TFRC: variants seen among roughly 807,000 people sequenced by gnomAD.
TFRC encodes the protein transferrin receptor, also known as transferrin receptor protein 1.
A neutral mutation model predicts 85.8 loss-of-function variants in TFRC; 35 were observed. The observed-to-expected ratio is 0.41, with a 90% CI of 0.31 to 0.54. The LOEUF (loss-of-function observed/expected upper bound fraction) is 0.54. TFRC is among the 20% of genes least tolerant of loss of function. The pLI is 0.31. For missense variants in TFRC, 828 were observed against 921.5 expected, an observed-to-expected ratio of 0.90 and a Z score of 1.31; for synonymous variants, 362 against 328.6, an observed-to-expected ratio of 1.10 and a Z score of -1.10.
rs189447412 is a variant in TFRC, at chr3:196,069,822, G to T, written c.688-254C>A. The T allele has an allele frequency of 1.5e-5, 5 of 330,808 alleles. No individual in the cohort carries two copies. The East Asian group carries it at 2.9e-4, about 19-fold the overall frequency. 20.5% of individuals were successfully genotyped at this position (330,808 alleles called of 1,614,324 possible). ...TCCCATGCTGCCTTTCATCTGAAGG[G>T]CATTTAGATTAAAGAGGCCTATGTA... On this transcript the variant is annotated intron_variant, in intron 6 of 18. Coordinates refer to ENST00000360110, the MANE Select transcript of TFRC (RefSeq NM_001128148.3).
At chr3:196,076,921 G>C in intron 2 of TFRC, 143 bp downstream of exon 2, 1 of 730,516 alleles carries the variant, frequency 1.4e-6, no homozygotes, top group Non-Finnish European at 2.3e-6. Context: ...TGTGAGATCA[G>C]TTATGCCTCA....
chr3:196,071,796 C>A (rs536161481), intron 5 of TFRC, among the ~76,000 whole-genome samples: 1 of 152,286 alleles, frequency 6.6e-6, no homozygotes, highest in African/African-American at 2.4e-5. Flanking sequence ...CCCAGCTGCT[C>A]TGGAGGCTAA....
chr3:196,049,975 G>T lies in TFRC; in HGVS notation c.*1967C>A, dbSNP rs1560060913. 2 of 230,976 alleles carry T rather than the reference G, an allele frequency of 8.7e-6. No individual in the cohort carries two copies. The highest frequency in any genetic ancestry group is 1.7e-5 in the Non-Finnish European group (2 of 116,732). 14.3% of individuals were successfully genotyped at this position (230,976 alleles called of 1,614,324 possible). A position where few individuals can be genotyped will look rare whatever the true frequency, so the allele number is the denominator to read the frequency against. The stretch of plus-strand genomic sequence containing the variant: ...GCTGATCATCACGTTTATAATGATG[G>T]TTCACTCACGGAGCTTCGAACTTAT... On this transcript the variant is annotated 3_prime_UTR_variant, in exon 19 of 19. Coordinates refer to ENST00000360110, the MANE Select transcript of TFRC (RefSeq NM_001128148.3).
At chr3:196,069,053 C>T in intron 7 of TFRC, among the ~76,000 whole-genome samples, 1 of 152,142 alleles carries the variant, frequency 6.6e-6, no homozygotes, top group East Asian at 1.9e-4. Context: ...AGGGCTCAAG[C>T]AGTCCTCCCA....
At chr3:196,075,433 T>G in intron 2 of TFRC, 73 bp from the exon 3 acceptor site, 2 of 1,426,802 alleles carry the variant, frequency 1.4e-6, no homozygotes, top group Non-Finnish European at 2.0e-6. Context: ...AGGTATATGC[T>G]TGTTATTGGG....
chr3:196,070,809 A>AT (rs1553797739), intron 6 of TFRC, among the ~76,000 whole-genome samples: 14 of 130,626 alleles, frequency 1.1e-4, no homozygotes, highest in African/African-American at 1.8e-4. Flanking sequence ...AATAATAATA[A>AT]AATAAAAAAT....
chr3:196,060,379 T>C lies in TFRC; in HGVS notation c.1469-132A>G, dbSNP rs41286871. 3.6e-3 allele frequency: 2,663 copies of C among 747,108 alleles called. 14 individuals are homozygous for C. Among genetic ancestry groups the C allele is most frequent in the Non-Finnish European group, 5.3e-3 (2,413 of 455,298 alleles). The allele number at this position is 747,108 out of a possible 1,614,324, so 46.3% of individuals were successfully genotyped here. A position where few individuals can be genotyped will look rare whatever the true frequency, so the allele number is the denominator to read the frequency against. ...GTGGCCCTGTGCAACAACTATCCCA[T>C]TCATCAAGTAAACAAAAGTAATTTT... On this transcript the variant is annotated intron_variant, in intron 13 of 18. Transcript: ENST00000360110.
chr3:196,053,279 G>C (rs1485877647), intron 18 of TFRC, 139 bp downstream of exon 18: 12 of 951,170 alleles, frequency 1.3e-5, no homozygotes, highest in Admixed American at 2.6e-5. Flanking sequence ...AGCAGAAACA[G>C]AAAATGACAG....
In TFRC at chr3:196,060,099, G is replaced by A. The variant is rs41297491; in HGVS notation, c.1536+81C>T. 815 of 1,114,904 alleles carry A rather than the reference G, an allele frequency of 7.3e-4. 6 individuals carry two copies. In the African/African-American group the frequency reaches 9.5e-3, roughly 13 times the overall value. 69.1% of individuals were successfully genotyped at this position (1,114,904 alleles called of 1,614,324 possible). A position where few individuals can be genotyped will look rare whatever the true frequency, so the allele number is the denominator to read the frequency against. ...TTCCTATTTTTTGTTACTGACTACG[G>A]TTTACATATCAGTGTTTTTTATCTC... is the stretch of plus-strand genomic sequence containing the variant. On this transcript the variant is annotated intron_variant, in intron 14 of 18. Transcript: ENST00000360110.
chr3:196,054,107 C>T (rs371509954), intron 17 of TFRC, among the ~76,000 whole-genome samples: 1 of 151,808 alleles, frequency 6.6e-6, no homozygotes, highest in African/African-American at 2.4e-5. Context: ...GCGTGGTGGC[C>T]GGCACCTGTA....
chr3:196,077,001 T>C, intron 2 of TFRC, 63 bp downstream of exon 2: 2 of 1,475,042 alleles, frequency 1.4e-6, no homozygotes, highest in South Asian at 2.3e-5. Context: ...CTTACTCAGT[T>C]AAAGTCATGC....
chr3:196,051,978 G>A lies in TFRC; in HGVS notation c.2247C>T (p.Leu749=). 3 of 1,614,172 alleles carry A rather than the reference G, an allele frequency of 1.9e-6. No homozygotes were observed. Among genetic ancestry groups the A allele is most frequent in the Non-Finnish European group, 1.7e-6 (2 of 1,180,042 alleles). The change falls in exon 19 of 19, where the codon CTC becomes CTT. Residue 749 remains leucine (L), a synonymous_variant. Transcript: ENST00000360110. ...TGTCAATGTCCCAAACGTCACCAGA[G>A]AGGGCATTTGCAGCTCCCTGAATAG... is the stretch of plus-strand genomic sequence containing the variant. The part of the protein sequence containing the change: ...TWTIQGAANA[L]SGDVWDIDNE...
At chr3:196,065,862 C>T (rs956878092) in intron 9 of TFRC, among the ~76,000 whole-genome samples, 7 of 151,846 alleles carry the variant, frequency 4.6e-5, no homozygotes, top group Admixed American at 3.3e-4. Flanking sequence ...TGGTGGCATG[C>T]GCCTGTAATC....
In TFRC at chr3:196,060,797, C is replaced by CAAAAAAAAA. The variant is rs1173946134; in HGVS notation, c.1469-559_1469-551dup. ...TGGGTGACAAAGCGAGACTCCATCT[C>CAAAAAAAAA]AAAAAAAAAAAAAAAAAAAAAAAAA... On this transcript the variant is annotated intron_variant, in intron 13 of 18. Transcript: ENST00000360110. 4.3e-4 allele frequency among the ~76,000 whole-genome samples: 16 copies of CAAAAAAAAA among 36,944 alleles called. 3 individuals are homozygous for CAAAAAAAAA. The highest frequency in any genetic ancestry group is 9.1e-4 in the African/African-American group (9 of 9,910). 24.2% of individuals were successfully genotyped at this position (36,944 alleles called of 152,430 possible).
chr3:196,068,632 A>G (rs1272005325), intron 7 of TFRC, among the ~76,000 whole-genome samples: 1 of 149,256 alleles, frequency 6.7e-6, no homozygotes, highest in African/African-American at 2.5e-5. Flanking sequence ...AAAAAAAAAA[A>G]AAAGAATAAC....
At chr3:196,076,990 G>T in intron 2 of TFRC, 74 bp downstream of exon 2, 1 of 1,374,412 alleles carries the variant, frequency 7.3e-7, no homozygotes. Context: ...ATTATTTCAT[G>T]CTTACTCAGT....
intron 6 of TFRC, among the ~76,000 whole-genome samples, chr3:196,070,295 G>A (rs41301389): frequency 2.7e-5 from 4 of 147,054 alleles, no homozygotes; most frequent in Middle Eastern, 3.4e-3. Context: ...ATGGAATTTC[G>A]CTTTTGTTGC....
intron 16 of TFRC, 100 bp from the exon 17 acceptor site, chr3:196,055,401 C>A: frequency 1.0e-6 from 1 of 958,512 alleles, no homozygotes; most frequent in Non-Finnish European, 1.7e-6. Flanking sequence ...ACAGTTCCAC[C>A]CTTGCTTCTA....
rs528204954 is a variant in TFRC, at chr3:196,064,055, C to G, written c.1318+254G>C. 1.1e-3 allele frequency among the ~76,000 whole-genome samples: 167 copies of G among 152,278 alleles called. 1 individual carries two copies. Among genetic ancestry groups the G allele is most frequent in the African/African-American group, 3.9e-3 (162 of 41,562 alleles). On this transcript the variant is annotated intron_variant, in intron 11 of 18. Coordinates refer to ENST00000360110, the MANE Select transcript of TFRC (RefSeq NM_001128148.3). ...ATCCACCTTATCACTCTGGATCCAC[C>G]ACACTAAGCACTAGGGCTCAGTAAC...
Sources: gnomAD v4.1 joint callset for allele counts (sites outside exome capture counted in the v4.1 genomes callset) on GRCh38, gnomAD v4.1.1 for gene constraint, MANE v1.5 for transcripts, NCBI Gene and HGNC (gene_info 2026-07-23, HGNC 2026-07-21) for gene names.